Variants in SLC6A3 observed in about 807,000 individuals in gnomAD.
The protein encoded by SLC6A3 is solute carrier family 6 member 3, also known as sodium-dependent dopamine transporter.
A neutral mutation model predicts 70.4 loss-of-function variants in SLC6A3; 19 were observed. The observed-to-expected ratio is 0.27, with a 90% confidence interval of 0.19 to 0.40. The LOEUF (loss-of-function observed/expected upper bound fraction) is 0.40, where lower values mean the gene tolerates loss of function less well. SLC6A3 is among the 10% of genes least tolerant of loss of function. The pLI, the probability that SLC6A3 is intolerant of heterozygous loss-of-function variation, is 1.00. For missense variants in SLC6A3, 613 were observed against 838.5 expected (o/e 0.73, Z 3.32); for synonymous variants, 368 against 356.6 (o/e 1.03, Z -0.36).
rs1560902181 is a variant in SLC6A3 at position 1,394,407 on chromosome 5, C to CT, written c.*327_*328insA. On this transcript the variant is annotated 3_prime_UTR_variant, in exon 15 of 15. Transcript: ENST00000270349. The surrounding 1 kb of genome is among the most constrained non-coding windows in gnomAD (Gnocchi z 4.7). ...AGTGCCCCTGGGGCAGCCTCAGAGCCGGGAGCAGGGAGCAGGGAGGGAGGG... is the reference window on the plus strand; with the variant it reads ...AGTGCCCCTGGGGCAGCCTCAGAGCCTGGGAGCAGGGAGCAGGGAGGGAGGG... 1.2e-5 allele frequency: 6 copies of CT among 495,116 alleles called. No individual in the cohort carries two copies. Among genetic ancestry groups the CT allele is most frequent in the Admixed American group, 3.3e-5 (1 of 30,108 alleles). 30.7% of individuals were successfully genotyped at this position (495,116 alleles called of 1,614,324 possible).
intron 4 of SLC6A3, among the ~76,000 whole-genome samples, chr5:1,428,491 A>G (rs1756621671): frequency 6.6e-6 from 1 of 152,234 alleles, no homozygotes; most frequent in Non-Finnish European, 1.5e-5. Flanking sequence ...AAAACACAGC[A>G]TATCAAATGT....
At position 1,420,581 on chromosome 5, in the gene SLC6A3, G is replaced by T. The variant is rs200732142; in HGVS notation, c.915C>A (p.Leu305=). 7 of 1,613,458 alleles carry T rather than the reference G, an allele frequency of 4.3e-6. No individual in the cohort carries two copies. The East Asian group carries it at 8.9e-5, about 21-fold the overall frequency. The change falls in exon 6 of 15, where the codon CTC becomes CTA. Residue 305 remains leucine (L), a synonymous_variant. Coordinates refer to ENST00000270349, the MANE Select transcript of SLC6A3 (RefSeq NM_001044.5). The part of the protein sequence containing the change: ...RAYLSVDFYR[L]CEASVWIDAA... ...AGACTGTACTCACAGACGCCTCGCA[G>T]AGCCGGTAGAAGTCAACGCTCAGGT...
rs28363069 is a variant in SLC6A3, at chr5:1,415,075, G to A, written c.1032-260C>T. On this transcript the variant is annotated intron_variant, in intron 7 of 14. Coordinates refer to ENST00000270349, the MANE Select transcript of SLC6A3 (RefSeq NM_001044.5). ...GAACAGACGGCCACCCCTGTGCCCCGCGAGTCTTGCTGTGGACACCTCACC... is the reference window on the plus strand; with the variant it reads ...GAACAGACGGCCACCCCTGTGCCCCACGAGTCTTGCTGTGGACACCTCACC... 2.2e-3 allele frequency among the ~76,000 whole-genome samples: 342 copies of A among 152,232 alleles called. 1 individual carries two copies. The highest frequency in any genetic ancestry group is 3.5e-3 in the Non-Finnish European group (240 of 67,992).
chr5:1,442,931 C>T lies in SLC6A3; in HGVS notation c.267G>A (p.Leu89=), dbSNP rs958913208. The T allele has an allele frequency of 8.7e-6, 14 of 1,614,098 alleles. No homozygotes were observed. Among genetic ancestry groups the T allele is most frequent in the Non-Finnish European group, 1.1e-5 (13 of 1,180,052 alleles). ...ACTTACCGCCACCATTTTTGTAGCA[C>T]AGGTAGGGGAACCGCCAGACGTTGG... The part of the protein sequence containing the change: ...DLANVWRFPY[L]CYKNGGGAFL... Residue 89 remains leucine, a synonymous_variant, in exon 2 of 15, where the codon CTG becomes CTA. Coordinates refer to ENST00000270349, the MANE Select transcript of SLC6A3 (RefSeq NM_001044.5). This position sits in a 1 kb window ranked among gnomAD's most constrained non-coding sequence, Gnocchi z 5.0.
intron 9 of SLC6A3, 152 bp from the exon 10 acceptor site, chr5:1,410,001 T>C (rs1373013222): frequency 1.1e-6 from 1 of 947,644 alleles, no homozygotes; most frequent in Non-Finnish European, 1.6e-6. Context: ...TGCCTGGTAG[T>C]GAGGACAGCT....
chr5:1,424,364 G>C (rs1207660392), intron 4 of SLC6A3, among the ~76,000 whole-genome samples: 1 of 152,196 alleles, frequency 6.6e-6, no homozygotes, highest in Non-Finnish European at 1.5e-5. Flanking sequence ...CTCTGCCCCT[G>C]CTGGCCAGTC....
At position 1,396,622 on chromosome 5, in the gene SLC6A3, G is replaced by T. The variant is rs1364012792; in HGVS notation, c.1840-1864C>A. On this transcript the variant is annotated intron_variant, in intron 14 of 14. Coordinates refer to ENST00000270349, the MANE Select transcript of SLC6A3 (RefSeq NM_001044.5). The surrounding 1 kb of genome is among the most constrained non-coding windows in gnomAD (Gnocchi z 7.0). Reference sequence around the variant, plus strand: ...CAATGGCCCAGGACCCCTGCTGAGGGTTCAGACGAGCACATCCCGCTGTGA... The same window carrying T: ...CAATGGCCCAGGACCCCTGCTGAGGTTTCAGACGAGCACATCCCGCTGTGA... Among the ~76,000 whole-genome samples, 3 of 152,148 alleles carry T rather than the reference G, an allele frequency of 2.0e-5. No homozygotes were observed. Among genetic ancestry groups the T allele is most frequent in the East Asian group, 1.9e-4 (1 of 5,192 alleles).
chr5:1,415,248 C>T (rs2550923), intron 7 of SLC6A3, among the ~76,000 whole-genome samples: 1 of 152,110 alleles, frequency 6.6e-6, no homozygotes, highest in Non-Finnish European at 1.5e-5. Context: ...GCCTGGGGGC[C>T]CCACTCTGAG....
chr5:1,417,926 G>A (rs1264955204), intron 6 of SLC6A3, among the ~76,000 whole-genome samples: 2 of 152,240 alleles, frequency 1.3e-5, no homozygotes, highest in Non-Finnish European at 2.9e-5. Context: ...ACTGGGTGCT[G>A]CAGAGGGGGC....
At chr5:1,426,051 C>G (rs10051340) in intron 4 of SLC6A3, among the ~76,000 whole-genome samples, 29,788 of 152,058 alleles carry the variant, frequency 0.2, 3,141 homozygotes, top group South Asian at 0.23. Context: ...AAATCAGAAC[C>G]CTTGTTCCGA....
At chr5:1,430,385 C>T (rs1044156049) in intron 4 of SLC6A3, among the ~76,000 whole-genome samples, 4 of 152,250 alleles carry the variant, frequency 2.6e-5, no homozygotes, top group African/African-American at 7.2e-5. Context: ...GCCTCCGCCC[C>T]GGCTCCTCAC....
In SLC6A3 at chr5:1,401,439, G is replaced by T; in HGVS notation, c.1768-453C>A. ...ACCTGCAGCTCTTGGGAGAGTGAAC[G>T]CTGAACGTGCCTTCCTTCCACTGCC... is the stretch of plus-strand genomic sequence containing the variant. On this transcript the variant is annotated intron_variant, in intron 13 of 14. Transcript: ENST00000270349. This position sits in a 1 kb window ranked among gnomAD's most constrained non-coding sequence, Gnocchi z 6.1. The T allele has an allele frequency of 2.6e-6, 1 of 378,742 alleles. No homozygotes were observed. The highest frequency in any genetic ancestry group is 2.0e-5 in the South Asian group (1 of 50,364). 23.5% of individuals were successfully genotyped at this position (378,742 alleles called of 1,614,324 possible). A position where few individuals can be genotyped will look rare whatever the true frequency, so the allele number is the denominator to read the frequency against.
In SLC6A3 at chr5:1,411,455, G is replaced by T. The variant is rs1248290927; in HGVS notation, c.1157-100C>A. The T allele has an allele frequency of 3.5e-6, 3 of 855,686 alleles. No homozygotes were observed. Among genetic ancestry groups the T allele is most frequent in the African/African-American group, 1.7e-5 (1 of 59,764 alleles). The allele number at this position is 855,686 out of a possible 1,614,324, so 53.0% of individuals were successfully genotyped here. On this transcript the variant is annotated intron_variant, in intron 8 of 14. Transcript: ENST00000270349. This position sits in a 1 kb window ranked among gnomAD's most constrained non-coding sequence, Gnocchi z 6.5. ...GAGAAGCATGGCCTGCCACAGGCCT[G>T]TAGAGACTAGGGCTGGTGCGGCTCT... is the stretch of plus-strand genomic sequence containing the variant.
intron 11 of SLC6A3, among the ~76,000 whole-genome samples, chr5:1,407,581 T>C (rs1756014219): frequency 6.6e-6 from 1 of 152,214 alleles, no homozygotes; most frequent in African/African-American, 2.4e-5. Context: ...GATTTCTCTT[T>C]GGAAAAATAA....
chr5:1,414,906 G>T, intron 7 of SLC6A3, 91 bp from the exon 8 acceptor site: 2 of 1,554,448 alleles, frequency 1.3e-6, no homozygotes, highest in Admixed American at 1.7e-5. Flanking sequence ...TGTGTCTGGG[G>T]AAGGGGGCGG....
intron 4 of SLC6A3, 131 bp from the exon 5 acceptor site, chr5:1,422,145 A>G: frequency 2.0e-6 from 2 of 1,016,434 alleles, no homozygotes; most frequent in Non-Finnish European, 2.9e-6. Flanking sequence ...GATGGACAAG[A>G]GATGCCTTCC....
chr5:1,419,322 T>TCCA lies in SLC6A3; in HGVS notation c.927+1246_927+1247insTGG, dbSNP rs1332682344. Among the ~76,000 whole-genome samples the TCCA allele has an allele frequency of 1.9e-4, 27 of 141,958 alleles. 1 individual carries two copies. Among genetic ancestry groups the TCCA allele is most frequent in the East Asian group, 1.6e-3 (7 of 4,510 alleles). The allele number at this position is 141,958 out of a possible 152,430, so 93.1% of individuals were successfully genotyped here. A position where few individuals can be genotyped will look rare whatever the true frequency, so the allele number is the denominator to read the frequency against. On this transcript the variant is annotated intron_variant, in intron 6 of 14. Transcript: ENST00000270349. ...ATCCTATCCACCTACTTACCTAGCA[T>TCCA]TCATCCATCCATCCATCCATCCATC...
chr5:1,444,270 A>G (rs1733748281), intron 1 of SLC6A3, among the ~76,000 whole-genome samples: 1 of 152,122 alleles, frequency 6.6e-6, no homozygotes, highest in African/African-American at 2.4e-5. Flanking sequence ...GCTGAGCAGG[A>G]GAGCAGGAGC....
chr5:1,430,894 G>T (rs1756684498), intron 4 of SLC6A3, among the ~76,000 whole-genome samples: 1 of 151,544 alleles, frequency 6.6e-6, no homozygotes, highest in Non-Finnish European at 1.5e-5. Flanking sequence ...GCACCTACTG[G>T]CTGTTAAAAC....
Sources: gnomAD v4.1 joint callset for allele counts (sites outside exome capture counted in the v4.1 genomes callset) on GRCh38, gnomAD v4.1.1 for gene constraint, Gnocchi (gnomAD v3.1) non-coding constraint, MANE v1.5 for transcripts, NCBI Gene and HGNC (gene_info 2026-07-23, HGNC 2026-07-21) for gene names.